The following PDK1 variants were observed in gnomAD, a reference collection of about 807,000 sequenced individuals.
PDK1 encodes the protein [Pyruvate dehydrogenase (acetyl-transferring)] kinase isozyme 1, mitochondrial.
PDK1 carries 39 observed loss-of-function variants against 54.2 expected under a neutral mutation model. The observed-to-expected ratio is 0.72, with a 90% CI of 0.56 to 0.94. PDK1 has a LOEUF of 0.94. Among genes scored for constraint, PDK1 ranks in the 40% least tolerant of loss-of-function variants. PDK1 has a pLI of 0.00. For synonymous variants in PDK1, 221 were observed against 207.1 expected (o/e 1.07, Z -0.58); for missense variants, 552 against 566.0 (o/e 0.98, Z 0.25).
chr2:172,619,028 G>A, the PDK1 span, among the ~76,000 whole-genome samples: 1 of 152,192 alleles, frequency 6.6e-6, no homozygotes, highest in Non-Finnish European at 1.5e-5. Flanking sequence ...AGTATCCGCT[G>A]TAAGAAGTAA....
rs1688863569 is a variant in PDK1, at chr2:172,565,088, T to C, written c.691+15T>C. On this transcript the variant is annotated intron_variant, in intron 5 of 10. Coordinates refer to ENST00000282077, the MANE Select transcript of PDK1 (RefSeq NM_002610.5). ...AGTTATTAAAGGTAAATACTGACAT[T>C]TCTCCTTGCAAAAAAAGATACAAAA... 7.2e-7 allele frequency: 1 copy of C among 1,394,242 alleles called. No individual in the cohort carries two copies. Among genetic ancestry groups the C allele is most frequent in the African/African-American group, 1.4e-5 (1 of 70,288 alleles). The allele number at this position is 1,394,242 out of a possible 1,614,324, so 86.4% of individuals were successfully genotyped here.
chr2:172,673,543 G>A, the PDK1 span, among the ~76,000 whole-genome samples: 15 of 152,204 alleles, frequency 9.9e-5, no homozygotes, highest in African/African-American at 3.4e-4. Context: ...TGAGCATCAC[G>A]TGATGGTCGC....
intron 7 of PDK1, among the ~76,000 whole-genome samples, chr2:172,569,810 T>C (rs2149227123): frequency 6.6e-6 from 1 of 152,334 alleles, no homozygotes; most frequent in East Asian, 1.9e-4. Flanking sequence ...GTGTTGGGAT[T>C]ACAGGCATAA....
chr2:172,696,901 G>T, the PDK1 span, among the ~76,000 whole-genome samples: 1 of 152,018 alleles, frequency 6.6e-6, no homozygotes. Context: ...TAAAGGAGAG[G>T]TAAAAAGTGG....
At chr2:172,718,014 G>C in the PDK1 span, among the ~76,000 whole-genome samples, 1 of 152,184 alleles carries the variant, frequency 6.6e-6, no homozygotes, top group Non-Finnish European at 1.5e-5. Context: ...GGAATGTCCT[G>C]CTTTTCCTGG....
At chr2:172,643,977 A>T in the PDK1 span, among the ~76,000 whole-genome samples, 2 of 152,238 alleles carry the variant, frequency 1.3e-5, no homozygotes, top group Non-Finnish European at 2.9e-5. Context: ...ACAGTGACTC[A>T]TGTGTTCCCC....
intron 2 of PDK1, among the ~76,000 whole-genome samples, chr2:172,561,242 T>C (rs1210211175): frequency 6.6e-6 from 1 of 152,222 alleles, no homozygotes; most frequent in African/African-American, 2.4e-5. Context: ...CGGTGCCTGT[T>C]GTAGGTACTC....
At chr2:172,555,960 T>C, upstream of PDK1, 1 of 407,572 alleles carries the variant, frequency 2.5e-6, no homozygotes, top group Non-Finnish European at 4.3e-6. Flanking sequence ...GCCCCTTTTC[T>C]CTCCCCGCCT....
At chr2:172,720,096 TTC>T in the PDK1 span, among the ~76,000 whole-genome samples, 194 of 137,044 alleles carry the variant, frequency 1.4e-3, no homozygotes, top group African/African-American at 4.9e-3. Flanking sequence ...CAAAGAGCTT[TTC>T]TCTCTCTCTC....
At chr2:172,572,708 G>A (rs1177204553) in intron 8 of PDK1, among the ~76,000 whole-genome samples, 1 of 152,172 alleles carries the variant, frequency 6.6e-6, no homozygotes, top group East Asian at 1.9e-4. Flanking sequence ...CTGGGTGACA[G>A]ATTGAGACTC....
chr2:172,590,613 A>G (rs1484631346), intron 9 of PDK1, among the ~76,000 whole-genome samples: 1 of 152,146 alleles, frequency 6.6e-6, no homozygotes, highest in Non-Finnish European at 1.5e-5. Flanking sequence ...GCTCATAAAG[A>G]TAGTGCAGAC....
the PDK1 span, among the ~76,000 whole-genome samples, chr2:172,640,572 T>C: frequency 1.3e-5 from 2 of 152,238 alleles, no homozygotes; most frequent in Non-Finnish European, 2.9e-5. Context: ...AGCTGGCAGC[T>C]GTTTGCTTCC....
intron 1 of PDK1, chr2:172,556,562 C>T: frequency 2.4e-6 from 1 of 415,652 alleles, no homozygotes; most frequent in South Asian, 6.7e-5. Context: ...TGGCTTTGAC[C>T]GTATTGTTGA....
At chr2:172,664,311 C>CAAAAAAAAAAAAA in the PDK1 span, among the ~76,000 whole-genome samples, 21 of 44,180 alleles carry the variant, frequency 4.8e-4, 8 homozygotes, top group East Asian at 9.5e-3. Context: ...AACTCTGCCT[C>CAAAAAAAAAAAAA]AAAAAAAAAA....
At chr2:172,633,138 G>A in the PDK1 span, among the ~76,000 whole-genome samples, 1 of 151,688 alleles carries the variant, frequency 6.6e-6, no homozygotes, top group Non-Finnish European at 1.5e-5. Flanking sequence ...ACACTCCTGG[G>A]CTCAAGCGAT....
Position 172,604,411 on chromosome 2 carries a change from T to C in PDK1, c.*8442T>C, listed in dbSNP as rs914472871. On this transcript the variant is annotated 3_prime_UTR_variant, in exon 11 of 11. Coordinates refer to ENST00000282077, the MANE Select transcript of PDK1 (RefSeq NM_002610.5). ...GCCTTTGATTTCTTTCATTGTTACT[T>C]TGTAGTTTTCAGCTTACAGATTCCG... is the stretch of plus-strand genomic sequence containing the variant. 2.6e-5 allele frequency: 4 copies of C among 152,228 alleles called. No individual in the cohort carries two copies. The highest frequency in any genetic ancestry group is 9.6e-5 in the African/African-American group (4 of 41,454). The allele number at this position is 152,228 out of a possible 1,614,324, so 9.4% of individuals were successfully genotyped here.
intron 8 of PDK1, among the ~76,000 whole-genome samples, chr2:172,576,005 A>G (rs1689561527): frequency 6.6e-6 from 1 of 151,872 alleles, no homozygotes; most frequent in African/African-American, 2.4e-5. Context: ...TTGGCTCACT[A>G]CAAGCTCCGC....
intron 5 of PDK1, among the ~76,000 whole-genome samples, chr2:172,566,357 C>G (rs1386517121): frequency 6.6e-6 from 1 of 152,088 alleles, no homozygotes; most frequent in Non-Finnish European, 1.5e-5. Context: ...GAGTTCGAGA[C>G]CAGCCTGGCC....
chr2:172,636,030 G>C, the PDK1 span, among the ~76,000 whole-genome samples: 1 of 152,212 alleles, frequency 6.6e-6, no homozygotes, highest in African/African-American at 2.4e-5. Context: ...CACATGGCGT[G>C]GTTTCGCCTC....
Sources: gnomAD v4.1 joint callset for allele counts (sites outside exome capture counted in the v4.1 genomes callset) on GRCh38, gnomAD v4.1.1 for gene constraint, MANE v1.5 for transcripts, NCBI Gene and HGNC (gene_info 2026-07-23, HGNC 2026-07-21) for gene names.